RERE: variants seen among roughly 807,000 people sequenced by gnomAD.
RERE encodes arginine-glutamic acid dipeptide repeats protein.
RERE carries 40 observed loss-of-function variants against 146.1 expected under a neutral mutation model. The ratio of observed to expected loss-of-function variants is 0.27; its 90% CI spans 0.21 to 0.36. The LOEUF (loss-of-function observed/expected upper bound fraction) is 0.36. Ranked by LOEUF, RERE falls within the 10% of genes least tolerant of loss-of-function variation. RERE has a pLI of 1.00. For missense variants in RERE, 1,933 were observed against 2,138.7 expected (o/e 0.90, Z 1.90); for synonymous variants, 1,003 against 866.0 (o/e 1.16, Z -2.78).
chr1:8,359,579 C>A (rs773367065), intron 19 of RERE, among the ~76,000 whole-genome samples, 185 bp downstream of exon 19: 11 of 152,232 alleles, frequency 7.2e-5, no homozygotes, highest in Non-Finnish European at 1.2e-4. Context: ...TGCGCAGTTA[C>A]CCCGGCAGCT....
At chr1:8,490,947 A>G (rs1344260307) in intron 10 of RERE, among the ~76,000 whole-genome samples, 1 of 150,644 alleles carries the variant, frequency 6.6e-6, no homozygotes, top group Non-Finnish European at 1.5e-5. Flanking sequence ...TTTGAAACAG[A>G]GCAGTTTATT....
At chr1:8,449,472 T>C (rs1289594452) in intron 11 of RERE, among the ~76,000 whole-genome samples, 1 of 152,310 alleles carries the variant, frequency 6.6e-6, no homozygotes, top group East Asian at 1.9e-4. Flanking sequence ...GAACCAGACC[T>C]TTCTCTTCTA....
chr1:8,755,800 C>T (rs1640628966), intron 1 of RERE, among the ~76,000 whole-genome samples: 1 of 152,116 alleles, frequency 6.6e-6, no homozygotes, highest in Non-Finnish European at 1.5e-5. Flanking sequence ...TGCAGTGGCT[C>T]ACACCTATAA....
chr1:8,717,065 A>T (rs1354031093), intron 1 of RERE, among the ~76,000 whole-genome samples: 1 of 152,226 alleles, frequency 6.6e-6, no homozygotes, highest in Non-Finnish European at 1.5e-5. Context: ...TATAAATGAG[A>T]AATACATCAC....
At chr1:8,700,463 C>G (rs1045952108) in intron 1 of RERE, among the ~76,000 whole-genome samples, 2 of 151,976 alleles carry the variant, frequency 1.3e-5, no homozygotes, top group African/African-American at 4.8e-5. Context: ...TGAAAAGACT[C>G]AAATCTACTC....
At chr1:8,669,533 CCAAA>C (rs376738730) in intron 1 of RERE, among the ~76,000 whole-genome samples, 2 of 152,182 alleles carry the variant, frequency 1.3e-5, no homozygotes, top group South Asian at 2.1e-4. Flanking sequence ...TTCACTACAG[CCAAA>C]CAAAGGTGCA....
At chr1:8,380,222 C>G (rs1570097384) in intron 12 of RERE, among the ~76,000 whole-genome samples, 1 of 152,228 alleles carries the variant, frequency 6.6e-6, no homozygotes, top group Admixed American at 6.5e-5. Flanking sequence ...TGGCAAAAGG[C>G]CTGCCTCTCT....
intron 2 of RERE, among the ~76,000 whole-genome samples, chr1:8,638,240 T>G (rs901659586): frequency 3.3e-5 from 5 of 152,212 alleles, no homozygotes; most frequent in Admixed American, 3.3e-4. Context: ...CCTCCATACT[T>G]TCAAAGTAAT....
intron 8 of RERE, among the ~76,000 whole-genome samples, chr1:8,501,361 G>A (rs1645150772): frequency 2.2e-5 from 2 of 89,080 alleles, no homozygotes; most frequent in African/African-American, 5.3e-5. Flanking sequence ...CCGGCCAGCC[G>A]CCCAGTCCGG....
intron 1 of RERE, among the ~76,000 whole-genome samples, chr1:8,699,495 T>C (rs12025126): frequency 0.27 from 40,554 of 152,132 alleles, 6,617 homozygotes; most frequent in East Asian, 0.77. Context: ...AACTATTTCA[T>C]GGATTAATTA....
intron 1 of RERE, among the ~76,000 whole-genome samples, chr1:8,726,838 C>G (rs2124481308): frequency 6.6e-6 from 1 of 152,276 alleles, no homozygotes; most frequent in South Asian, 2.1e-4. Context: ...AGAAGTCTCC[C>G]TCTATTGCCT....
chr1:8,761,148 G>A (rs766578929), intron 1 of RERE, among the ~76,000 whole-genome samples: 25 of 152,084 alleles, frequency 1.6e-4, no homozygotes, highest in Non-Finnish European at 3.4e-4. Flanking sequence ...GAACCTCAAA[G>A]AGAAATAAAA....
chr1:8,472,730 C>T (rs1050723688), intron 10 of RERE, among the ~76,000 whole-genome samples: 2 of 152,164 alleles, frequency 1.3e-5, no homozygotes, highest in Non-Finnish European at 2.9e-5. Flanking sequence ...AGCTTACAAT[C>T]TTTGAAAGCT....
chr1:8,695,509 G>A (rs1261444337), intron 1 of RERE, among the ~76,000 whole-genome samples: 1 of 150,898 alleles, frequency 6.6e-6, no homozygotes, highest in African/African-American at 2.4e-5. Context: ...CAGCATTTTG[G>A]GAGGCCCAGG....
chr1:8,795,978 G>A (rs571814653), intron 1 of RERE, among the ~76,000 whole-genome samples: 6 of 92,216 alleles, frequency 6.5e-5, no homozygotes, highest in Admixed American at 1.4e-4. Flanking sequence ...ACGAAACTCC[G>A]TCTCAAAAAA....
At chr1:8,710,392 C>A (rs1639642061) in intron 1 of RERE, among the ~76,000 whole-genome samples, 1 of 152,212 alleles carries the variant, frequency 6.6e-6, no homozygotes, top group Non-Finnish European at 1.5e-5. Flanking sequence ...GACAGACTGG[C>A]CTTTAGTAAA....
At chr1:8,650,921 TTAAATAAA>T (rs201047086) in intron 2 of RERE, among the ~76,000 whole-genome samples, 2 of 144,330 alleles carry the variant, frequency 1.4e-5, no homozygotes, top group Non-Finnish European at 3.0e-5. Flanking sequence ...TTAAATTAAA[TTAAATAAA>T]TAAATAAATA....
chr1:8,760,034 T>C (rs112970790), intron 1 of RERE, among the ~76,000 whole-genome samples: 1 of 152,168 alleles, frequency 6.6e-6, no homozygotes, highest in Non-Finnish European at 1.5e-5. Context: ...AGTTTTGTTT[T>C]GTTTTTTTGA....
chr1:8,529,125 C>A (rs1645606238), intron 7 of RERE, among the ~76,000 whole-genome samples: 1 of 152,050 alleles, frequency 6.6e-6, no homozygotes, highest in Non-Finnish European at 1.5e-5. Flanking sequence ...AAAATACTAA[C>A]AACTGGTGAA....
Sources: gnomAD v4.1 joint callset for allele counts (sites outside exome capture counted in the v4.1 genomes callset) on GRCh38, gnomAD v4.1.1 for gene constraint, MANE v1.5 for transcripts, NCBI Gene and HGNC (gene_info 2026-07-23, HGNC 2026-07-21) for gene names.